SP110: variants seen among roughly 807,000 people sequenced by gnomAD.
SP110 encodes the protein interferon-induced protein 41, 30kD.
SP110 carries 62 observed loss-of-function variants against 92.7 expected under a neutral mutation model. The ratio of observed to expected loss-of-function variants is 0.67; its 90% CI spans 0.55 to 0.83. The LOEUF is 0.83. Among genes scored for constraint, SP110 ranks in the 40% least tolerant of loss-of-function variants. SP110 has a pLI of 0.00. For missense variants in SP110, 793 were observed against 863.9 expected (o/e 0.92, Z 1.03); for synonymous variants, 273 against 305.3 (o/e 0.89, Z 1.10).
chr2:230,199,143 TTATTA>T (rs1418957946), intron 10 of SP110, among the ~76,000 whole-genome samples: 1 of 133,296 alleles, frequency 7.5e-6, no homozygotes, highest in Admixed American at 7.1e-5. Context: ...ATTATTATTA[TTATTA>T]TTTTTTTTTT....
At chr2:230,176,415 A>C (rs967541571) in intron 14 of SP110, 2 of 1,340,682 alleles carry the variant, frequency 1.5e-6, no homozygotes, top group East Asian at 3.0e-5. Context: ...TATTTCTGAC[A>C]CCTTTGGTTT....
chr2:230,200,787 G>GAA (rs557840697), intron 10 of SP110, 98 bp downstream of exon 10: 20 of 885,422 alleles, frequency 2.3e-5, no homozygotes, highest in Non-Finnish European at 3.5e-5. Context: ...CAGTAATAAT[G>GAA]AAAAAAAAAA....
At chr2:230,171,007 G>A in intron 17 of SP110, 1 of 577,452 alleles carries the variant, frequency 1.7e-6, no homozygotes, top group African/African-American at 1.9e-5. Flanking sequence ...GAAACCGAGG[G>A]ATGGAGAGGT....
At chr2:230,192,172 A>G (rs1407835674) in intron 10 of SP110, among the ~76,000 whole-genome samples, 1 of 152,228 alleles carries the variant, frequency 6.6e-6, no homozygotes, top group Admixed American at 6.5e-5. Context: ...ACCCACAGCC[A>G]ATATCATATA....
chr2:230,210,169 A>G (rs973658953), intron 6 of SP110, among the ~76,000 whole-genome samples, 161 bp from the exon 7 acceptor site: 4 of 152,218 alleles, frequency 2.6e-5, no homozygotes, highest in Middle Eastern at 3.2e-3. Flanking sequence ...ATTTTTGCCA[A>G]CTTGTGGTTA....
intron 10 of SP110, among the ~76,000 whole-genome samples, chr2:230,189,790 G>A (rs6728512): frequency 0.76 from 116,172 of 151,992 alleles, 44,521 homozygotes; most frequent in Admixed American, 0.83. Flanking sequence ...GAGAACATGC[G>A]GTGTTTGGTT....
At chr2:230,218,026 C>G (rs753634785) in intron 1 of SP110, among the ~76,000 whole-genome samples, 7 of 152,210 alleles carry the variant, frequency 4.6e-5, no homozygotes, top group Non-Finnish European at 1.0e-4. Context: ...TTTTCCCATG[C>G]CCATGCAGCA....
intron 10 of SP110, among the ~76,000 whole-genome samples, chr2:230,199,197 A>G (rs540510085): frequency 1.4e-5 from 2 of 143,024 alleles, no homozygotes; most frequent in East Asian, 4.2e-4. Context: ...ACACAGCAAC[A>G]TAATCCTCTT....
At chr2:230,204,085 C>A (rs186926773) in intron 8 of SP110, among the ~76,000 whole-genome samples, 6 of 152,064 alleles carry the variant, frequency 3.9e-5, no homozygotes, top group Non-Finnish European at 7.4e-5. Context: ...TAAAATAAAA[C>A]GATTCTTTTA....
rs1213605196 is a variant in SP110 at position 230,177,641 on chromosome 2, C to G, written c.1487G>C (p.Trp496Ser). Residue 496 changes from tryptophan (W) to serine (S), a missense_variant, in exon 14 of 19, where the codon TGG (tryptophan) becomes TCG (serine). Coordinates refer to ENST00000258381, the MANE Select transcript of SP110 (RefSeq NM_080424.4). ...GACTTCAAATTCATTTGGTGTTAACCAAGTTCCATCCTCATTCCGAATGCA... is the reference window on the plus strand; with the variant it reads ...GACTTCAAATTCATTTGGTGTTAACGAAGTTCCATCCTCATTCCGAATGCA... ...VKCIRNEDGT[W>S]LTPNEFEVEG... 6.2e-7 allele frequency: 1 copy of G among 1,614,136 alleles called. No homozygotes were observed.
In SP110 at chr2:230,211,148, A is replaced by G. The variant is rs2044425533; in HGVS notation, c.751+322T>C. ...TGCCACAACCCTTTGTGGCAGGTGAATGTTTCCCTTTCAGGCGCTTTGTGG... is the reference window on the plus strand; with the variant it reads ...TGCCACAACCCTTTGTGGCAGGTGAGTGTTTCCCTTTCAGGCGCTTTGTGG... On this transcript the variant is annotated intron_variant, in intron 6 of 18. Coordinates refer to ENST00000258381, the MANE Select transcript of SP110 (RefSeq NM_080424.4). This position sits in a 1 kb window ranked among gnomAD's most constrained non-coding sequence, Gnocchi z 4.2. Among the ~76,000 whole-genome samples the G allele has an allele frequency of 6.6e-6, 1 of 152,138 alleles. No individual in the cohort carries two copies. The highest frequency in any genetic ancestry group is 2.1e-4 in the South Asian group (1 of 4,832).
Position 230,198,133 on chromosome 2 carries a change from C to T in SP110, c.1129+2752G>A, listed in dbSNP as rs66715157. On this transcript the variant is annotated intron_variant, in intron 10 of 18. Coordinates refer to ENST00000258381, the MANE Select transcript of SP110 (RefSeq NM_080424.4). ...GACCCTCTGTAGGACTGGAAGTCCT[C>T]TGTAGGGCCCTCCAGGGCTGCTGTC... Among the ~76,000 whole-genome samples the T allele has an allele frequency of 3.3e-3, 506 of 152,266 alleles. 4 individuals are homozygous for T. The highest frequency in any genetic ancestry group is 0.012 in the African/African-American group (480 of 41,526).
chr2:230,197,314 T>A (rs2042923594), intron 10 of SP110, among the ~76,000 whole-genome samples: 1 of 151,244 alleles, frequency 6.6e-6, no homozygotes, highest in Non-Finnish European at 1.5e-5. Context: ...CATTTTTTCA[T>A]GTGTTTTTTG....
intron 10 of SP110, among the ~76,000 whole-genome samples, chr2:230,195,635 T>C (rs558069778): frequency 6.6e-6 from 1 of 152,238 alleles, no homozygotes; most frequent in East Asian, 1.9e-4. Flanking sequence ...TTATTAATTT[T>C]AAAATTAATA....
chr2:230,183,996 T>C (rs909153428), intron 11 of SP110, among the ~76,000 whole-genome samples: 4 of 152,286 alleles, frequency 2.6e-5, no homozygotes, highest in African/African-American at 9.6e-5. Context: ...TGCCCACCCC[T>C]GCAGATACTA....
At position 230,183,580 on chromosome 2, in the gene SP110, T is replaced by C. The variant is rs202062604; in HGVS notation, c.1340A>G (p.His447Arg). Residue 447 changes from histidine to arginine, a missense_variant, in exon 12 of 19, where the codon CAC (histidine) becomes CGC (arginine). By Grantham distance (29) the His-to-Arg change is conservative (BLOSUM62 0). Transcript: ENST00000258381. ...SSKRRFQKNIHRRGKPKSDTV... is the reference protein window; with the variant it reads ...SSKRRFQKNIRRRGKPKSDTV... Reference sequence around the variant, plus strand: ...GTGGCTTGCTTGCTTACCTCTTCGGTGAATATTTTTCTGAAATCTCCTTTT... The same window carrying C: ...GTGGCTTGCTTGCTTACCTCTTCGGCGAATATTTTTCTGAAATCTCCTTTT... 18 of 1,609,582 alleles carry C rather than the reference T, an allele frequency of 1.1e-5. No homozygotes were observed. The African/African-American group carries it at 2.1e-4, about 19-fold the overall frequency.
intron 12 of SP110, among the ~76,000 whole-genome samples, chr2:230,179,569 T>A (rs1200311122): frequency 6.6e-6 from 1 of 151,900 alleles, no homozygotes; most frequent in Non-Finnish European, 1.5e-5. Flanking sequence ...GCATTACTGT[T>A]ATCAAATTTG....
chr2:230,171,073 CCA>C (rs1044495154), intron 17 of SP110, among the ~76,000 whole-genome samples: 3 of 152,176 alleles, frequency 2.0e-5, no homozygotes, highest in Non-Finnish European at 2.9e-5. Flanking sequence ...AGATGGGAAC[CCA>C]CACAGTTTGG....
Position 230,212,753 on chromosome 2 carries a change from T to C in SP110, c.583+8A>G, listed in dbSNP as rs114743173. On this transcript the variant is annotated splice_region_variant and intron_variant, in intron 4 of 18. Coordinates refer to ENST00000258381, the MANE Select transcript of SP110 (RefSeq NM_080424.4). ...ATATACAGGTGTTGGATGGGATCTG[T>C]TTCTCACCTGAAGTGCTTCTTCCTT... 5.1e-4 allele frequency: 819 copies of C among 1,613,996 alleles called. 3 individuals are homozygous for C. The African/African-American group carries it at 6.7e-3, about 13-fold the overall frequency.
Sources: allele counts gnomAD v4.1 joint callset (sites outside exome capture counted in the v4.1 genomes callset), GRCh38; gene constraint gnomAD v4.1.1; non-coding constraint Gnocchi (gnomAD v3.1); transcripts MANE v1.5; gene names NCBI Gene and HGNC (gene_info 2026-07-23, HGNC 2026-07-21).